DISP1: variants seen among roughly 807,000 people sequenced by gnomAD.
The protein encoded by DISP1 is protein dispatched homolog 1.
In DISP1, 30 loss-of-function variants were observed where a neutral mutation model predicts 37.3. The ratio of observed to expected loss-of-function variants is 0.80; its 90% CI spans 0.60 to 1.09. DISP1 has a LOEUF of 1.09. Ranked by LOEUF, DISP1 falls within the 50% of genes least tolerant of loss-of-function variation. The pLI, the probability that DISP1 is intolerant of heterozygous loss-of-function variation, is 0.00. For synonymous variants in DISP1, 634 were observed against 690.2 expected, an observed-to-expected ratio of 0.92 and a Z score of 1.28; for missense variants, 1,598 against 1,879.5, an observed-to-expected ratio of 0.85 and a Z score of 2.77.
intron 1 of DISP1, among the ~76,000 whole-genome samples, chr1:222,906,425 C>T (rs1251644949): frequency 2.6e-5 from 4 of 152,144 alleles, no homozygotes; most frequent in South Asian, 2.1e-4. Context: ...GTAAAAAAAA[C>T]GCTGCCATCT....
chr1:222,935,112 C>T (rs1450384307), intron 2 of DISP1, among the ~76,000 whole-genome samples: 1 of 152,164 alleles, frequency 6.6e-6, no homozygotes, highest in Admixed American at 6.5e-5. Context: ...GCAGTATGGA[C>T]ATGTTGTTGG....
At chr1:222,866,526 G>A (rs1043162454) in intron 1 of DISP1, among the ~76,000 whole-genome samples, 1 of 152,034 alleles carries the variant, frequency 6.6e-6, no homozygotes. Context: ...TGTATTTTTA[G>A]TAGAGACAGG....
In DISP1 at chr1:222,991,634, G is replaced by A. The variant is rs1678702490; in HGVS notation, c.778G>A (p.Glu260Lys). ...LANYPFKYAD[E>K]QAKSHRDDRW... ...AAATTATCCCTTTAAATATGCAGAT[G>A]AACAAGCCAAAAGGTAATCAATTAT... Residue 260 changes from glutamate (E) to lysine (K), a missense_variant, in exon 6 of 9, where the codon GAA (glutamate) becomes AAA (lysine). Glu to Lys is a moderately conservative substitution (Grantham distance 56). Coordinates refer to ENST00000675850, the MANE Select transcript of DISP1 (RefSeq NM_001377229.1). 1.2e-6 allele frequency: 2 copies of A among 1,612,858 alleles called. No individual in the cohort carries two copies. The highest frequency in any genetic ancestry group is 1.7e-6 in the Non-Finnish European group (2 of 1,179,144).
At chr1:222,836,693 G>A (rs1221245622) in intron 1 of DISP1, among the ~76,000 whole-genome samples, 6 of 151,016 alleles carry the variant, frequency 4.0e-5, no homozygotes, top group Non-Finnish European at 8.8e-5. Flanking sequence ...TATTAAGGAG[G>A]ACACCCAAGA....
chr1:223,001,442 C>G (rs1489438422), intron 8 of DISP1, among the ~76,000 whole-genome samples: 1 of 152,132 alleles, frequency 6.6e-6, no homozygotes, highest in Admixed American at 6.6e-5. Context: ...CTTCAGGAAA[C>G]AATTTTATTC....
chr1:222,982,968 T>C, intron 3 of DISP1, 112 bp from the exon 4 acceptor site: 1 of 819,006 alleles, frequency 1.2e-6, no homozygotes, highest in South Asian at 1.6e-5. Flanking sequence ...CAAGATTCTT[T>C]GTAAGAGATA....
chr1:222,818,125 A>G (rs971420625), intron 1 of DISP1, among the ~76,000 whole-genome samples: 1 of 151,796 alleles, frequency 6.6e-6, no homozygotes, highest in African/African-American at 2.4e-5. Flanking sequence ...GAATAGAAGA[A>G]CTATTGGATA....
intron 1 of DISP1, among the ~76,000 whole-genome samples, chr1:222,878,758 T>C (rs112018643): frequency 2.3e-3 from 355 of 152,246 alleles, no homozygotes; most frequent in African/African-American, 8.1e-3. Context: ...TGTAGAAATA[T>C]AACATGTCTA....
intron 7 of DISP1, among the ~76,000 whole-genome samples, chr1:222,994,034 A>G (rs1237104171): frequency 6.6e-6 from 1 of 152,196 alleles, no homozygotes; most frequent in African/African-American, 2.4e-5. Flanking sequence ...TCTTTGTTTT[A>G]TGTGGTTCAT....
chr1:222,875,924 C>G (rs1572401836), intron 1 of DISP1, among the ~76,000 whole-genome samples: 1 of 150,178 alleles, frequency 6.7e-6, no homozygotes, highest in African/African-American at 2.4e-5. Context: ...TGAGTTTTAA[C>G]TCTTGCCACT....
Position 223,004,522 on chromosome 1 carries a change from T to C in DISP1, c.3125T>C (p.Ile1042Thr), listed in dbSNP as rs1441336617. ...WELNVLESVT[I>T]SVAVGLSVDF... Reference sequence around the variant, plus strand: ...CTCAATGTGTTGGAATCTGTCACCATTTCGGTTGCCGTCGGCTTGTCTGTA... The same window carrying C: ...CTCAATGTGTTGGAATCTGTCACCACTTCGGTTGCCGTCGGCTTGTCTGTA... Residue 1042 changes from isoleucine (I) to threonine (T), a missense_variant, in exon 9 of 9, where the codon ATT becomes ACT. Coordinates refer to ENST00000675850, the MANE Select transcript of DISP1 (RefSeq NM_001377229.1). The surrounding 1 kb of genome is among the most constrained non-coding windows in gnomAD (Gnocchi z 4.9). 4.3e-6 allele frequency: 7 copies of C among 1,614,122 alleles called. No individual in the cohort carries two copies. Among genetic ancestry groups the C allele is most frequent in the Non-Finnish European group, 3.4e-6 (4 of 1,180,046 alleles).
chr1:222,887,322 T>C (rs1162159152), intron 1 of DISP1, among the ~76,000 whole-genome samples: 1 of 152,130 alleles, frequency 6.6e-6, no homozygotes, highest in Non-Finnish European at 1.5e-5. Context: ...TGATTGGCTG[T>C]TCTGATTGTA....
chr1:222,958,609 C>T (rs1212873321), intron 3 of DISP1, among the ~76,000 whole-genome samples: 5 of 152,056 alleles, frequency 3.3e-5, no homozygotes, highest in Admixed American at 6.6e-5. Flanking sequence ...GTTTTAAATA[C>T]GATTTTGTAT....
intron 1 of DISP1, among the ~76,000 whole-genome samples, chr1:222,843,597 A>G (rs897318063): frequency 6.6e-6 from 1 of 152,098 alleles, no homozygotes; most frequent in Non-Finnish European, 1.5e-5. Flanking sequence ...CAGTGATAAA[A>G]ATAGCAAACA....
rs370909475 is a variant in DISP1, at chr1:222,975,896, G to T, written c.510-7184G>T. On this transcript the variant is annotated intron_variant, in intron 3 of 8. Transcript: ENST00000675850. ...CTGTCACTCACTTGCATACAGAAAT[G>T]CTTTCTTGAGTGGGAGAGAAAGAAT... Among the ~76,000 whole-genome samples the T allele has an allele frequency of 2.4e-4, 36 of 152,298 alleles. 1 individual carries two copies. The South Asian group carries it at 7.5e-3, about 32-fold the overall frequency.
At chr1:222,945,088 G>A (rs1022153520) in intron 3 of DISP1, among the ~76,000 whole-genome samples, 1 of 152,152 alleles carries the variant, frequency 6.6e-6, no homozygotes, top group Non-Finnish European at 1.5e-5. Context: ...ATCAGGTTTT[G>A]AACATTGTTG....
intron 1 of DISP1, among the ~76,000 whole-genome samples, chr1:222,826,105 C>T (rs962561329): frequency 6.6e-6 from 1 of 151,986 alleles, no homozygotes; most frequent in Non-Finnish European, 1.5e-5. Context: ...GGTCTCGTTT[C>T]ATTGCCTATG....
rs148560314 is a variant in DISP1 at position 222,886,274 on chromosome 1, G to A, written c.-158-42156G>A. On this transcript the variant is annotated intron_variant, in intron 1 of 8. Coordinates refer to ENST00000675850, the MANE Select transcript of DISP1 (RefSeq NM_001377229.1). ...CAGAATGGTAGAGACAGCAACAGAA[G>A]CAACGCTTTGAGGTTTATTAGGCAA... Among the ~76,000 whole-genome samples, 36 of 152,320 alleles carry A rather than the reference G, an allele frequency of 2.4e-4. 1 individual carries two copies. In the East Asian group the frequency reaches 5.4e-3, roughly 23 times the overall value.
At chr1:222,965,711 GT>G (rs1203314334) in intron 3 of DISP1, among the ~76,000 whole-genome samples, 3 of 151,826 alleles carry the variant, frequency 2.0e-5, no homozygotes, top group Non-Finnish European at 2.9e-5. Context: ...ATCTCACTCA[GT>G]TTTTTTCTTA....
Sources: gnomAD v4.1 joint callset for allele counts (sites outside exome capture counted in the v4.1 genomes callset) on GRCh38, gnomAD v4.1.1 for gene constraint, Gnocchi (gnomAD v3.1) non-coding constraint, MANE v1.5 for transcripts, NCBI Gene and HGNC (gene_info 2026-07-23, HGNC 2026-07-21) for gene names.